USP47: variants seen among roughly 807,000 people sequenced by gnomAD.
The protein encoded by USP47 is ubiquitin carboxyl-terminal hydrolase 47.
Under a neutral mutation model 165.1 loss-of-function variants are expected in USP47, and 35 were observed. That is an observed-to-expected ratio of 0.21 (90% CI 0.16 to 0.28). The LOEUF (loss-of-function observed/expected upper bound fraction) is 0.28. USP47 is among the 10% of genes least tolerant of loss of function. The pLI, the probability that USP47 is intolerant of heterozygous loss-of-function variation, is 1.00. For missense variants in USP47, 1,277 were observed against 1,607.4 expected (o/e 0.79, Z 3.52); for synonymous variants, 531 against 544.5 (o/e 0.98, Z 0.35).
chr11:11,876,451 A>G (rs1038109302), intron 1 of USP47, among the ~76,000 whole-genome samples: 2 of 152,138 alleles, frequency 1.3e-5, no homozygotes, highest in Non-Finnish European at 2.9e-5. Context: ...TTTTTTATCT[A>G]TTACTATGTA....
chr11:11,931,608 C>T (rs1037939519), intron 14 of USP47, among the ~76,000 whole-genome samples: 2 of 152,118 alleles, frequency 1.3e-5, no homozygotes, highest in Admixed American at 6.6e-5. Context: ...AATAACTCAG[C>T]CTTCTTTTAC....
chr11:11,951,463 T>C (rs1208457815), intron 24 of USP47: 3 of 152,184 alleles, frequency 2.0e-5, no homozygotes, highest in South Asian at 4.1e-4. Flanking sequence ...GTTATCAACA[T>C]TGGCACATTT....
At chr11:11,953,641 C>T (rs949866319) in intron 25 of USP47, among the ~76,000 whole-genome samples, 1 of 152,116 alleles carries the variant, frequency 6.6e-6, no homozygotes, top group African/African-American at 2.4e-5. Flanking sequence ...AGTTATTAAA[C>T]ATGCTGTCCA....
At chr11:11,865,727 G>T (rs1432174254) in intron 1 of USP47, among the ~76,000 whole-genome samples, 1 of 151,482 alleles carries the variant, frequency 6.6e-6, no homozygotes, top group Non-Finnish European at 1.5e-5. Flanking sequence ...TCTTATAATG[G>T]GTGTGAAGTC....
Position 11,956,269 on chromosome 11 carries a change from G to T in USP47, c.*94G>T. ...GTGCCATTTTGGCCGGACATGGTTG[G>T]GGTAACCCAGTGACACCAGCACTGA... On this transcript the variant is annotated 3_prime_UTR_variant, in exon 28 of 28. Coordinates refer to ENST00000527733, the MANE Select transcript of USP47 (RefSeq NM_001282659.2). The T allele has an allele frequency of 7.0e-7, 1 of 1,421,156 alleles. No homozygotes were observed. The highest frequency in any genetic ancestry group is 9.7e-7 in the Non-Finnish European group (1 of 1,028,068). 88.0% of individuals were successfully genotyped at this position (1,421,156 alleles called of 1,614,324 possible).
chr11:11,927,776 G>T (rs1358005672), intron 11 of USP47, among the ~76,000 whole-genome samples: 1 of 152,038 alleles, frequency 6.6e-6, no homozygotes, highest in Non-Finnish European at 1.5e-5. Context: ...TAGTAAAAGA[G>T]AAGAAAATGT....
At position 11,880,270 on chromosome 11, in the gene USP47, C is replaced by T. The variant is rs1380936266; in HGVS notation, c.133C>T (p.Pro45Ser). 1.4e-6 allele frequency: 2 copies of T among 1,451,190 alleles called. No homozygotes were observed. The highest frequency in any genetic ancestry group is 2.8e-5 in the East Asian group (1 of 36,052). 89.9% of individuals were successfully genotyped at this position (1,451,190 alleles called of 1,614,324 possible). ...TVNERITLNLPASTPVRKLFE... is the reference protein window; with the variant it reads ...TVNERITLNLSASTPVRKLFE... ...GAATGAACGGATCACTTTAAATTTA[C>T]CAGCATCTACTCCAGTCAGAAAGCT... is the stretch of plus-strand genomic sequence containing the variant. Residue 45 changes from proline (P) to serine (S), a missense_variant, in exon 2 of 28, where the codon CCA becomes TCA. Around this residue, in one of 4 missense-constraint regions of USP47, gnomAD observed 181 missense variants for 194.7 expected, o/e 0.93. Coordinates refer to ENST00000527733, the MANE Select transcript of USP47 (RefSeq NM_001282659.2).
intron 1 of USP47, among the ~76,000 whole-genome samples, chr11:11,877,848 TGTGTGTGTGTGC>T (rs140368651): frequency 0.16 from 13,570 of 83,110 alleles, 686 homozygotes; most frequent in East Asian, 0.31. Context: ...TGTGTGTGTG[TGTGTGTGTGTGC>T]GCGCGCGCAG....
chr11:11,934,838 A>G lies in USP47; in HGVS notation c.1869+903A>G, dbSNP rs12798622. ...CAAATATAAGTTTTCCCCTTTCCAT[A>G]TAAGCAGTAACAGAATGACTGAAAT... On this transcript the variant is annotated intron_variant, in intron 16 of 27. Transcript: ENST00000527733. 9.2e-3 allele frequency among the ~76,000 whole-genome samples: 1,401 copies of G among 152,232 alleles called. 20 individuals are homozygous for G. Among genetic ancestry groups the G allele is most frequent in the Non-Finnish European group, 9.6e-3 (655 of 67,986 alleles).
chr11:11,936,664 C>T (rs1370208412), intron 17 of USP47, among the ~76,000 whole-genome samples, 154 bp downstream of exon 17: 1 of 151,668 alleles, frequency 6.6e-6, no homozygotes, highest in Admixed American at 6.6e-5. Context: ...TCAGCAACAG[C>T]TTGGAATTAA....
In USP47 at chr11:11,959,759, C is replaced by G. The variant is rs973076884; in HGVS notation, c.*3584C>G. Among the ~76,000 whole-genome samples the G allele has an allele frequency of 2.6e-5, 4 of 152,148 alleles. No individual in the cohort carries two copies. The highest frequency in any genetic ancestry group is 6.5e-5 in the Admixed American group (1 of 15,274). Reference sequence around the variant, plus strand: ...GCTCTGCCCCTTCCCCATCACAGCACTGCCCCTTTCCACCTCCTCACCAGC... The same window carrying G: ...GCTCTGCCCCTTCCCCATCACAGCAGTGCCCCTTTCCACCTCCTCACCAGC... On this transcript the variant is annotated 3_prime_UTR_variant, in exon 28 of 28. Coordinates refer to ENST00000527733, the MANE Select transcript of USP47 (RefSeq NM_001282659.2).
intron 11 of USP47, among the ~76,000 whole-genome samples, chr11:11,923,351 A>C (rs1380334258): frequency 6.6e-6 from 1 of 151,976 alleles, no homozygotes; most frequent in Non-Finnish European, 1.5e-5. Context: ...TGAGACAATT[A>C]ATAATAGATC....
intron 1 of USP47, among the ~76,000 whole-genome samples, chr11:11,876,787 T>C (rs1051247133): frequency 6.6e-6 from 1 of 152,226 alleles, no homozygotes; most frequent in Non-Finnish European, 1.5e-5. Context: ...AGGGAATGTT[T>C]CCAAGAAATA....
rs774526070 is a variant in USP47, at chr11:11,949,913, G to T, written c.3373G>T (p.Val1125Leu). 1 of 1,612,342 alleles carries T rather than the reference G, an allele frequency of 6.2e-7. No homozygotes were observed. Among genetic ancestry groups the T allele is most frequent in the South Asian group, 1.1e-5 (1 of 90,910 alleles). ...GCCATGCAAGTTTCTGCTAGATGCT[G>T]TGTTTGCTAAAGGAATGACTGTACG... Reference protein sequence around the residue: ...QEPCKFLLDAVFAKGMTVRQS... With the variant: ...QEPCKFLLDALFAKGMTVRQS... Residue 1125 changes from valine to leucine, a missense_variant, in exon 23 of 28, where the codon GTG becomes TTG. By Grantham distance (32) the Val-to-Leu change is conservative. Transcript: ENST00000527733.
intron 19 of USP47, 133 bp from the exon 20 acceptor site, chr11:11,942,201 TC>T: frequency 9.7e-7 from 1 of 1,034,024 alleles, no homozygotes; most frequent in Non-Finnish European, 1.4e-6. Flanking sequence ...AACAATAGAG[TC>T]CTTCAGAAAC....
At chr11:11,913,634 G>T (rs1853185971) in intron 8 of USP47, among the ~76,000 whole-genome samples, 1 of 152,016 alleles carries the variant, frequency 6.6e-6, no homozygotes, top group African/African-American at 2.4e-5. Context: ...GAGAGGCGGG[G>T]ATAAAGACAG....
intron 1 of USP47, chr11:11,856,507 G>T (rs1849048034): frequency 6.6e-6 from 1 of 151,870 alleles, no homozygotes; most frequent in African/African-American, 2.4e-5. Context: ...CTTTTTGGTG[G>T]GATATCCTTA....
chr11:11,898,716 G>C (rs1487472097), intron 5 of USP47, among the ~76,000 whole-genome samples: 1 of 152,198 alleles, frequency 6.6e-6, no homozygotes, highest in African/African-American at 2.4e-5. Context: ...AGAGTTTAAA[G>C]AGAAGAAAGG....
rs745967101 is a variant in USP47 at position 11,938,323 on chromosome 11, G to T, written c.2144G>T (p.Arg715Leu). The change falls in exon 18 of 28, where the codon CGT (arginine) becomes CTT (leucine). Residue 715 changes from arginine (R) to leucine (L), a missense_variant. Arg to Leu is a moderately radical substitution (Grantham distance 102). Around this residue, in one of 4 missense-constraint regions of USP47, gnomAD observed 909 missense variants for 1,068.1 expected, o/e 0.85. Coordinates refer to ENST00000527733, the MANE Select transcript of USP47 (RefSeq NM_001282659.2). ...TCTGTAGCTGCTCCTATAACTGTTC[G>T]TGCTTACTTAAATCAGACAGTTACA... ...AESVAAPITV[R>L]AYLNQTVTEF... 1.2e-6 allele frequency: 2 copies of T among 1,611,952 alleles called. No individual in the cohort carries two copies. Among genetic ancestry groups the T allele is most frequent in the Non-Finnish European group, 1.7e-6 (2 of 1,178,784 alleles).
Sources: allele counts gnomAD v4.1 joint callset (sites outside exome capture counted in the v4.1 genomes callset), GRCh38; gene constraint gnomAD v4.1.1; regional missense constraint gnomAD v4.1.1; transcripts MANE v1.5; gene names NCBI Gene and HGNC (gene_info 2026-07-23, HGNC 2026-07-21).